The following EFNA5 variants were observed in gnomAD, a reference collection of about 807,000 sequenced individuals.
The protein encoded by EFNA5 is ephrin-A5.
In EFNA5, 5 loss-of-function variants were observed where a neutral mutation model predicts 22.9. The ratio of observed to expected loss-of-function variants is 0.22; its 90% CI spans 0.11 to 0.46. EFNA5 has a LOEUF of 0.46. Among genes scored for constraint, EFNA5 ranks in the 20% least tolerant of loss-of-function variants. EFNA5 has a pLI of 0.99. For synonymous variants in EFNA5, 113 were observed against 112.2 expected (o/e 1.01, Z -0.04); for missense variants, 237 against 293.3 (o/e 0.81, Z 1.40).
intron 1 of EFNA5, among the ~76,000 whole-genome samples, chr5:107,534,232 GTAAA>G (rs1404043783): frequency 6.6e-6 from 1 of 152,152 alleles, no homozygotes; most frequent in Admixed American, 6.5e-5. Context: ...GACTTTCACC[GTAAA>G]TAGAGTTTGA....
intron 2 of EFNA5, among the ~76,000 whole-genome samples, chr5:107,425,636 T>C (rs1443220654): frequency 6.6e-6 from 1 of 152,216 alleles, no homozygotes; most frequent in African/African-American, 2.4e-5. Context: ...TGTGAGATAG[T>C]ATCAAGGCTT....
chr5:107,584,927 A>C (rs1397035046), intron 1 of EFNA5, among the ~76,000 whole-genome samples: 1 of 152,178 alleles, frequency 6.6e-6, no homozygotes, highest in Non-Finnish European at 1.5e-5. Flanking sequence ...AGGTAATCAG[A>C]GTGGTCACAA....
chr5:107,444,626 T>C (rs552189454), intron 1 of EFNA5, among the ~76,000 whole-genome samples: 1 of 152,348 alleles, frequency 6.6e-6, no homozygotes, highest in South Asian at 2.1e-4. Flanking sequence ...GCTTCAGGCA[T>C]GCCGAAATTA....
At position 107,578,837 on chromosome 5, in the gene EFNA5, T is replaced by C. The variant is rs145036045; in HGVS notation, c.125+91652A>G. The stretch of plus-strand genomic sequence containing the variant: ...AATTAAAAGGGAGCCTGCGATGATA[T>C]GGGGCTGGCTTCTACGCTGGACATG... On this transcript the variant is annotated intron_variant, in intron 1 of 4. Transcript: ENST00000333274. Among the ~76,000 whole-genome samples the C allele has an allele frequency of 8.5e-3, 1,294 of 152,332 alleles. 6 individuals carry two copies. The highest frequency in any genetic ancestry group is 0.013 in the Non-Finnish European group (906 of 68,032).
At chr5:107,415,235 T>C (rs1412547150) in intron 2 of EFNA5, among the ~76,000 whole-genome samples, 1 of 152,164 alleles carries the variant, frequency 6.6e-6, no homozygotes. Context: ...TAGCTATTAA[T>C]ATATACCCAG....
chr5:107,398,364 T>C (rs1367015025), intron 2 of EFNA5, among the ~76,000 whole-genome samples: 1 of 152,162 alleles, frequency 6.6e-6, no homozygotes, highest in Non-Finnish European at 1.5e-5. Context: ...TACTAGCACT[T>C]AACCCATTCT....
intron 1 of EFNA5, among the ~76,000 whole-genome samples, chr5:107,595,104 A>C (rs539942895): frequency 6.6e-6 from 1 of 152,008 alleles, no homozygotes; most frequent in South Asian, 2.1e-4. Context: ...CCAAAAAAGT[A>C]CACTATAAAA....
chr5:107,587,587 G>T (rs1749216454), intron 1 of EFNA5, among the ~76,000 whole-genome samples: 1 of 152,124 alleles, frequency 6.6e-6, no homozygotes, highest in South Asian at 2.1e-4. Context: ...CGCGATCTTG[G>T]CTCACTGCAA....
chr5:107,650,628 T>C (rs1174945642), intron 1 of EFNA5, among the ~76,000 whole-genome samples: 1 of 152,218 alleles, frequency 6.6e-6, no homozygotes, highest in Non-Finnish European at 1.5e-5. Flanking sequence ...ATATTGTTAT[T>C]ATGTAAACCA....
intron 1 of EFNA5, among the ~76,000 whole-genome samples, chr5:107,443,143 G>A (rs526521): frequency 0.26 from 40,085 of 151,972 alleles, 5,537 homozygotes; most frequent in South Asian, 0.39. Context: ...AAATCGACCA[G>A]CAACACAAAT....
chr5:107,668,423 A>T (rs918673208), intron 1 of EFNA5, among the ~76,000 whole-genome samples: 4 of 152,240 alleles, frequency 2.6e-5, no homozygotes, highest in African/African-American at 9.6e-5. Context: ...CAAAAGCACA[A>T]AACAGAGATA....
At chr5:107,386,496 T>C (rs1747628707) in intron 4 of EFNA5, among the ~76,000 whole-genome samples, 1 of 152,200 alleles carries the variant, frequency 6.6e-6, no homozygotes, top group African/African-American at 2.4e-5. Context: ...AGTGCTTTGG[T>C]AGGTTTTATT....
At chr5:107,474,628 G>C (rs1750230130) in intron 1 of EFNA5, among the ~76,000 whole-genome samples, 1 of 152,088 alleles carries the variant, frequency 6.6e-6, no homozygotes, top group Admixed American at 6.6e-5. Context: ...TCCTGGGATG[G>C]CTTTATCCTG....
chr5:107,654,140 T>C (rs1248526765), intron 1 of EFNA5, among the ~76,000 whole-genome samples: 2 of 152,042 alleles, frequency 1.3e-5, no homozygotes, highest in Admixed American at 1.3e-4. Flanking sequence ...AAGTCACAAA[T>C]ACTCTCTTCC....
At position 107,377,988 on chromosome 5, in the gene EFNA5, G is replaced by C. The variant is rs1408557028; in HGVS notation, c.*3267C>G. On this transcript the variant is annotated 3_prime_UTR_variant, in exon 5 of 5. Transcript: ENST00000333274. The stretch of plus-strand genomic sequence containing the variant: ...TGGGCAATGACCACACATGAGTCCT[G>C]TATGGAGCAGTGTCTCAGCCACTTG... 6.6e-6 allele frequency: 1 copy of C among 152,134 alleles called. No homozygotes were observed. Among genetic ancestry groups the C allele is most frequent in the Non-Finnish European group, 1.5e-5 (1 of 68,004 alleles). The allele number at this position is 152,134 out of a possible 1,614,324, so 9.4% of individuals were successfully genotyped here.
intron 1 of EFNA5, among the ~76,000 whole-genome samples, chr5:107,628,409 A>T (rs1041379812): frequency 6.6e-6 from 1 of 152,210 alleles, no homozygotes; most frequent in Non-Finnish European, 1.5e-5. Context: ...ATATTATAGC[A>T]TATAAAATGA....
chr5:107,659,915 T>G (rs1289184677), intron 1 of EFNA5, among the ~76,000 whole-genome samples: 1 of 151,672 alleles, frequency 6.6e-6, no homozygotes, highest in Admixed American at 6.6e-5. Context: ...CCTTTCTACA[T>G]TTTTTTTCCT....
At chr5:107,387,613 A>T in intron 3 of EFNA5, 93 bp downstream of exon 3, 1 of 831,884 alleles carries the variant, frequency 1.2e-6, no homozygotes, top group East Asian at 2.5e-5. Context: ...ACAAGATTTA[A>T]CAGTAAAAAA....
At chr5:107,616,752 T>C (rs1470244555) in intron 1 of EFNA5, among the ~76,000 whole-genome samples, 1 of 152,162 alleles carries the variant, frequency 6.6e-6, no homozygotes, top group Non-Finnish European at 1.5e-5. Flanking sequence ...CAGTAAAAAC[T>C]CACTACAAGT....
Sources: allele counts gnomAD v4.1 joint callset (sites outside exome capture counted in the v4.1 genomes callset), GRCh38; gene constraint gnomAD v4.1.1; transcripts MANE v1.5; gene names NCBI Gene and HGNC (gene_info 2026-07-23, HGNC 2026-07-21).